RHOQ: variants seen among roughly 807,000 people sequenced by gnomAD.
RHOQ encodes ras homolog family member Q.
In RHOQ, 7 loss-of-function variants were observed where a neutral mutation model predicts 25.8. That is an observed-to-expected ratio of 0.27 (90% CI 0.15 to 0.51). The LOEUF (loss-of-function observed/expected upper bound fraction) is 0.51, where lower values mean the gene tolerates loss of function less well. Ranked by LOEUF, RHOQ falls within the 20% of genes least tolerant of loss-of-function variation. The probability of loss-of-function intolerance (pLI) is 0.97; values close to 1 mark genes in which losing one functional copy is unlikely to be tolerated. For synonymous variants in RHOQ, 97 were observed against 98.6 expected (o/e 0.98, Z 0.10); for missense variants, 165 against 260.6 (o/e 0.63, Z 2.53).
At position 46,542,620 on chromosome 2, in the gene RHOQ, T is replaced by C. The variant is rs1290647384; in HGVS notation, c.-427T>C. The C allele has an allele frequency of 6.8e-6, 1 of 146,208 alleles. No homozygotes were observed. The highest frequency in any genetic ancestry group is 2.5e-5 in the African/African-American group (1 of 40,702). The allele number at this position is 146,208 out of a possible 1,614,324, so 9.1% of individuals were successfully genotyped here. A position where few individuals can be genotyped will look rare whatever the true frequency, so the allele number is the denominator to read the frequency against. On this transcript the variant is annotated 5_prime_UTR_variant, in exon 1 of 5. Transcript: ENST00000238738. ...CTCGGGGAGGCGCCTGGGCCCGCCC[T>C]CCTCCGGGGCGCCGCGGGAGGGGCC...
chr2:46,552,752 TAGA>T lies in RHOQ; in HGVS notation c.201+8944_201+8946del, dbSNP rs1380772498. 6.6e-6 allele frequency among the ~76,000 whole-genome samples: 1 copy of T among 152,194 alleles called. No homozygotes were observed. The highest frequency in any genetic ancestry group is 1.5e-5 in the Non-Finnish European group (1 of 68,036). ...CCAGATCTGGGCCAGGGGCAGGTGTTAGAAGATCTGTCAGGCACAGGCCTGGCC... is the reference window on the plus strand; with the variant it reads ...CCAGATCTGGGCCAGGGGCAGGTGTTAGATCTGTCAGGCACAGGCCTGGCC... On this transcript the variant is annotated intron_variant, in intron 2 of 4. Transcript: ENST00000238738. The surrounding 1 kb of genome is among the most constrained non-coding windows in gnomAD (Gnocchi z 5.0).
intron 2 of RHOQ, among the ~76,000 whole-genome samples, chr2:46,557,296 A>G (rs1006782575): frequency 6.6e-6 from 1 of 152,270 alleles, no homozygotes; most frequent in Non-Finnish European, 1.5e-5. Flanking sequence ...TAATAGTGAT[A>G]AATTATAAAC....
intron 2 of RHOQ, among the ~76,000 whole-genome samples, chr2:46,545,460 C>G (rs1668014623): frequency 6.6e-6 from 1 of 152,166 alleles, no homozygotes; most frequent in Non-Finnish European, 1.5e-5. Flanking sequence ...TGTTTAAACC[C>G]TGCTAGTATT....
intron 2 of RHOQ, among the ~76,000 whole-genome samples, chr2:46,565,008 T>A (rs1189134363): frequency 1.3e-5 from 2 of 152,090 alleles, no homozygotes; most frequent in Admixed American, 6.6e-5. Flanking sequence ...GAGTGGCAAA[T>A]CCTTTTATAG....
At chr2:46,578,223 CGT>C (rs1669204516) in intron 4 of RHOQ, among the ~76,000 whole-genome samples, 1 of 151,980 alleles carries the variant, frequency 6.6e-6, no homozygotes, top group Admixed American at 6.6e-5. Context: ...TTATAATACC[CGT>C]GTAGTAAAAT....
rs934698987 is a variant in RHOQ, at chr2:46,552,285, C to T, written c.201+8473C>T. On this transcript the variant is annotated intron_variant, in intron 2 of 4. Transcript: ENST00000238738. This position sits in a 1 kb window ranked among gnomAD's most constrained non-coding sequence, Gnocchi z 5.0. ...TCAAAAAGGAGCAGGCCCGAGGTGG[C>T]GCTGATGGCCCCATTGCTCAAGTAC... is the stretch of plus-strand genomic sequence containing the variant. Among the ~76,000 whole-genome samples, 8 of 152,180 alleles carry T rather than the reference C, an allele frequency of 5.3e-5. No homozygotes were observed. Among genetic ancestry groups the T allele is most frequent in the Admixed American group, 4.6e-4 (7 of 15,284 alleles).
rs1667880646 is a variant in RHOQ, at chr2:46,543,039, G to C, written c.-8G>C. ...GGGGACCATGCCCGGAGGCCGGCCGGCAGCAGCATGGCTCACGGGCCCGGC... is the reference window on the plus strand; with the variant it reads ...GGGGACCATGCCCGGAGGCCGGCCGCCAGCAGCATGGCTCACGGGCCCGGC... On this transcript the variant is annotated 5_prime_UTR_variant, in exon 1 of 5. Transcript: ENST00000238738. The C allele has an allele frequency of 1.3e-6, 2 of 1,579,382 alleles. No homozygotes were observed. Among genetic ancestry groups the C allele is most frequent in the Admixed American group, 1.8e-5 (1 of 56,904 alleles).
At chr2:46,572,107 G>GTGTTTTTTTTT (rs1553422127) in intron 2 of RHOQ, among the ~76,000 whole-genome samples, 17 of 66,256 alleles carry the variant, frequency 2.6e-4, no homozygotes, top group African/African-American at 6.7e-4. Flanking sequence ...GTAAGTGTGT[G>GTGTTTTTTTTT]TTTTTTTTTT....
At chr2:46,563,399 C>A (rs1048236242) in intron 2 of RHOQ, among the ~76,000 whole-genome samples, 5 of 152,178 alleles carry the variant, frequency 3.3e-5, no homozygotes, top group African/African-American at 7.2e-5. Context: ...AGCAGGCACT[C>A]TTCTGGGCTG....
At position 46,576,098 on chromosome 2, in the gene RHOQ, C is replaced by T. The variant is rs1669114996; in HGVS notation, c.213C>T (p.Asp71=). 1.2e-6 allele frequency: 2 copies of T among 1,601,524 alleles called. No individual in the cohort carries two copies. Among genetic ancestry groups the T allele is most frequent in the Non-Finnish European group, 1.7e-6 (2 of 1,175,984 alleles). ...TCTTTGTTCCTCAGGAAGACTATGA[C>T]CGTCTGAGGCCTTTATCTTACCCAA... ...LYDTAGQEDY[D]RLRPLSYPMT... is the part of the protein sequence containing the mutation. Residue 71 remains aspartate (D), a synonymous_variant, in exon 3 of 5, where the codon GAC becomes GAT. Transcript: ENST00000238738. This position sits in a 1 kb window ranked among gnomAD's most constrained non-coding sequence, Gnocchi z 5.1.
At chr2:46,547,998 C>A (rs1011710282) in intron 2 of RHOQ, among the ~76,000 whole-genome samples, 3 of 152,114 alleles carry the variant, frequency 2.0e-5, no homozygotes, top group Non-Finnish European at 4.4e-5. Context: ...TATTCAGGTC[C>A]CAGAATATCC....
At chr2:46,561,268 A>G (rs376766287) in intron 2 of RHOQ, among the ~76,000 whole-genome samples, 3 of 151,688 alleles carry the variant, frequency 2.0e-5, no homozygotes, top group African/African-American at 7.3e-5. Context: ...CGGTGAGGGG[A>G]GGGTCTGGAC....
chr2:46,565,703 G>C (rs546908729), intron 2 of RHOQ, among the ~76,000 whole-genome samples: 66 of 152,342 alleles, frequency 4.3e-4, no homozygotes, highest in Non-Finnish European at 7.3e-4. Flanking sequence ...CACAATGACT[G>C]CAGCTGACTT....
At chr2:46,572,134 T>TTTTTG (rs1668951120) in intron 2 of RHOQ, among the ~76,000 whole-genome samples, 1 of 145,918 alleles carries the variant, frequency 6.9e-6, no homozygotes, top group African/African-American at 2.6e-5. Context: ...TTTTTTTTTT[T>TTTTTG]GAGACAGGGT....
chr2:46,572,035 AGCTTTTGTTTCCTCTCAGAGC>A (rs1219690916), intron 2 of RHOQ, among the ~76,000 whole-genome samples: 3 of 145,752 alleles, frequency 2.1e-5, no homozygotes, highest in African/African-American at 7.8e-5. Flanking sequence ...GCATTGGAAG[AGCTTTTGTTTCCTCTCAGAGC>A]GCATTTCTTT....
chr2:46,568,972 C>T (rs1193690975), intron 2 of RHOQ: 2 of 152,226 alleles, frequency 1.3e-5, no homozygotes, highest in Admixed American at 6.5e-5. Flanking sequence ...CTTCTTTCAG[C>T]ATGCTTTAGG....
At chr2:46,546,659 T>C (rs930604750) in intron 2 of RHOQ, among the ~76,000 whole-genome samples, 1 of 151,182 alleles carries the variant, frequency 6.6e-6, no homozygotes, top group African/African-American at 2.4e-5. Flanking sequence ...CTTTGTGATC[T>C]AGTAAAAACG....
chr2:46,554,369 G>A (rs1341498921), intron 2 of RHOQ, among the ~76,000 whole-genome samples: 1 of 152,168 alleles, frequency 6.6e-6, no homozygotes, highest in African/African-American at 2.4e-5. Context: ...GTGCTATGTG[G>A]CCTAGGGCTG....
chr2:46,552,150 G>A lies in RHOQ; in HGVS notation c.201+8338G>A, dbSNP rs548107780. ...GCTAGAAGAGATGGTGGAACATTGTGTATAGGTGGAACACGTAGGGACGGC... is the reference window on the plus strand; with the variant it reads ...GCTAGAAGAGATGGTGGAACATTGTATATAGGTGGAACACGTAGGGACGGC... On this transcript the variant is annotated intron_variant, in intron 2 of 4. Transcript: ENST00000238738. The surrounding 1 kb of genome is among the most constrained non-coding windows in gnomAD (Gnocchi z 5.0). Among the ~76,000 whole-genome samples the A allele has an allele frequency of 6.6e-6, 1 of 152,202 alleles. No individual in the cohort carries two copies. The highest frequency in any genetic ancestry group is 2.4e-5 in the African/African-American group (1 of 41,446).
Sources: gnomAD v4.1 joint callset for allele counts (sites outside exome capture counted in the v4.1 genomes callset) on GRCh38, gnomAD v4.1.1 for gene constraint, Gnocchi (gnomAD v3.1) non-coding constraint, MANE v1.5 for transcripts, NCBI Gene and HGNC (gene_info 2026-07-23, HGNC 2026-07-21) for gene names.